DSP: variants seen among roughly 807,000 people sequenced by gnomAD.
DSP encodes the protein 250/210 kDa paraneoplastic pemphigus antigen.
A neutral mutation model predicts 290.6 loss-of-function variants in DSP; 114 were observed. That is an observed-to-expected ratio of 0.39 (90% CI 0.34 to 0.46). The LOEUF is 0.46. DSP is among the 20% of genes least tolerant of loss of function. The probability of loss-of-function intolerance (pLI) is 0.99; values close to 1 mark genes in which losing one functional copy is unlikely to be tolerated. For missense variants in DSP, 3,230 were observed against 3,495.8 expected, an observed-to-expected ratio of 0.92 and a Z score of 1.92; for synonymous variants, 1,311 against 1,316.4, an observed-to-expected ratio of 1.00 and a Z score of 0.09.
chr6:7,576,276 G>T lies in DSP; in HGVS notation c.2631-18G>T, dbSNP rs1181659158. The T allele has an allele frequency of 6.2e-7, 1 of 1,612,184 alleles. No homozygotes were observed. Among genetic ancestry groups the T allele is most frequent in the Non-Finnish European group, 8.5e-7 (1 of 1,178,420 alleles). ...GAACTAATAAGATAATGATTTTATT[G>T]TATCTATTTCCCCCCAGGTTATGGG... On this transcript the variant is annotated intron_variant, in intron 18 of 23. Transcript: ENST00000379802.
At chr6:7,561,829 G>A (rs1213693074) in intron 4 of DSP, among the ~76,000 whole-genome samples, 1 of 152,170 alleles carries the variant, frequency 6.6e-6, no homozygotes. Context: ...TTTGCCCTTG[G>A]CATGTCCAAG....
At chr6:7,571,247 C>G in intron 13 of DSP, 136 bp from the exon 14 acceptor site, 1 of 863,012 alleles carries the variant, frequency 1.2e-6, no homozygotes, top group Non-Finnish European at 2.0e-6. Flanking sequence ...CCTAAAAGAC[C>G]TTTTATATCT....
At chr6:7,544,489 TTC>T (rs747891127) in intron 1 of DSP, among the ~76,000 whole-genome samples, 9 of 136,320 alleles carry the variant, frequency 6.6e-5, no homozygotes, top group South Asian at 2.3e-4. Flanking sequence ...TTTTCTTTCT[TTC>T]TTTTTTTTTT....
In DSP at chr6:7,559,282, G is replaced by C. The variant is rs752941845; in HGVS notation, c.479G>C (p.Arg160Pro). The change falls in exon 4 of 24, where the codon CGA becomes CCA. Residue 160 changes from arginine (R) to proline (P), a missense_variant. Coordinates refer to ENST00000379802, the MANE Select transcript of DSP (RefSeq NM_004415.4). The stretch of plus-strand genomic sequence containing the variant: ...CTTTATAAAGCCATCAGTGTCCCTC[G>C]AGTCCGCAGGGCCAGCTCCAAGGGT... The part of the protein sequence containing the change: ...RALYKAISVP[R>P]VRRASSKGGG... 6.2e-7 allele frequency: 1 copy of C among 1,613,950 alleles called. No individual in the cohort carries two copies.
At position 7,580,595 on chromosome 6, in the gene DSP, C is replaced by T. The variant is rs752121953; in HGVS notation, c.4405C>T (p.Leu1469Phe). Residue 1469 changes from leucine (L) to phenylalanine (F), a missense_variant, in exon 23 of 24, where the codon CTT becomes TTT. Leu to Phe is a conservative substitution (Grantham distance 22). This residue lies in a region of DSP where 1,714 missense variants were observed against 1,844.5 expected (regional missense o/e 0.93). Transcript: ENST00000379802. The surrounding 1 kb of genome is among the most constrained non-coding windows in gnomAD (Gnocchi z 4.2). ...TEESVRYKQS[L>F]DDAAKTIQDK... ...GGAGAGCGTAAGATATAAGCAATCTCTTGATGATGCTGCCAAAACCATCCA... is the reference window on the plus strand; with the variant it reads ...GGAGAGCGTAAGATATAAGCAATCTTTTGATGATGCTGCCAAAACCATCCA... The T allele has an allele frequency of 2.4e-5, 39 of 1,613,982 alleles. No individual in the cohort carries two copies. Among genetic ancestry groups the T allele is most frequent in the Non-Finnish European group, 3.3e-5 (39 of 1,180,050 alleles).
At position 7,542,034 on chromosome 6, in the gene DSP, TGTACTA is replaced by T; in HGVS notation, c.120_125del (p.Met40_Tyr42delinsIle). 6.3e-7 allele frequency: 1 copy of T among 1,579,486 alleles called. No homozygotes were observed. The highest frequency in any genetic ancestry group is 8.6e-7 in the Non-Finnish European group (1 of 1,163,616). On this transcript the variant is annotated inframe_deletion, in exon 1 of 24. Transcript: ENST00000379802. ...AGCGGCGGCGGGGGCACCAGCAGGATGTACTATTCTCGGCGCGGCGTGATCACCGAC... is the reference window on the plus strand; with the variant it reads ...AGCGGCGGCGGGGGCACCAGCAGGATTTCTCGGCGCGGCGTGATCACCGAC...
Position 7,580,618 on chromosome 6 carries a change from C to T in DSP, c.4428C>T (p.Ile1476=), listed in dbSNP as rs754071010. The T allele has an allele frequency of 1.2e-6, 2 of 1,614,006 alleles. No homozygotes were observed. Among genetic ancestry groups the T allele is most frequent in the Admixed American group, 1.7e-5 (1 of 60,006 alleles). The change falls in exon 23 of 24, where the codon ATC becomes ATT. Residue 1476 remains isoleucine (I), a synonymous_variant. Transcript: ENST00000379802. The surrounding 1 kb of genome is among the most constrained non-coding windows in gnomAD (Gnocchi z 4.2). ...CTCTTGATGATGCTGCCAAAACCAT[C>T]CAGGATAAAAACAAGGAGATAGAAA... The part of the protein sequence containing the change: ...KQSLDDAAKT[I]QDKNKEIERL...
Position 7,577,159 on chromosome 6 carries a change from A to G in DSP, c.2877+117A>G, listed in dbSNP as rs1395602067. 3.9e-6 allele frequency: 3 copies of G among 764,218 alleles called. No homozygotes were observed. The African/African-American group carries it at 5.3e-5, about 14-fold the overall frequency. 47.3% of individuals were successfully genotyped at this position (764,218 alleles called of 1,614,324 possible). On this transcript the variant is annotated intron_variant, in intron 20 of 23. Coordinates refer to ENST00000379802, the MANE Select transcript of DSP (RefSeq NM_004415.4). ...TGAGGATAGCAATTACGGTCTGTAT[A>G]TATTCTTTTCTGAACAAACCATAAA...
At chr6:7,544,701 A>ATCTC (rs112548377) in intron 1 of DSP, among the ~76,000 whole-genome samples, 1 of 150,744 alleles carries the variant, frequency 6.6e-6, no homozygotes, top group African/African-American at 2.4e-5. Flanking sequence ...ACTTTAAAAC[A>ATCTC]TCTCTCTCTC....
chr6:7,583,748 G>C lies in DSP; in HGVS notation c.6486G>C (p.Leu2162=), dbSNP rs1759535660. ...GLIDRDLYRS[L]NDPRDSQKNF... is the part of the protein sequence containing the mutation. ...TTGATAGAGATTTGTATCGATCCCT[G>C]AATGATCCCCGAGATAGTCAGAAAA... is the stretch of plus-strand genomic sequence containing the variant. Residue 2162 remains leucine (L), a synonymous_variant, in exon 24 of 24, where the codon CTG becomes CTC. Coordinates refer to ENST00000379802, the MANE Select transcript of DSP (RefSeq NM_004415.4). The surrounding 1 kb of genome is among the most constrained non-coding windows in gnomAD (Gnocchi z 4.0). 1 of 1,614,050 alleles carries C rather than the reference G, an allele frequency of 6.2e-7. No homozygotes were observed. Among genetic ancestry groups the C allele is most frequent in the Non-Finnish European group, 8.5e-7 (1 of 1,180,030 alleles).
At position 7,584,297 on chromosome 6, in the gene DSP, A is replaced by G. The variant is rs780379988; in HGVS notation, c.7035A>G (p.Gly2345=). 9.3e-6 allele frequency: 15 copies of G among 1,614,090 alleles called. No homozygotes were observed. Among genetic ancestry groups the G allele is most frequent in the Non-Finnish European group, 1.3e-5 (15 of 1,180,050 alleles). Residue 2345 remains glycine, a synonymous_variant, in exon 24 of 24, where the codon GGA becomes GGG. Transcript: ENST00000379802. This position sits in a 1 kb window ranked among gnomAD's most constrained non-coding sequence, Gnocchi z 6.4. Reference sequence around the variant, plus strand: ...CTGGGTATAATGATCCTGAAACAGGAAACATCATCTCTTTGTTCCAAGCCA... The same window carrying G: ...CTGGGTATAATGATCCTGAAACAGGGAACATCATCTCTTTGTTCCAAGCCA... The part of the protein sequence containing the change: ...AVTGYNDPET[G]NIISLFQAMN...
chr6:7,558,116 G>C lies in DSP; in HGVS notation c.274G>C (p.Glu92Gln). The C allele has an allele frequency of 6.2e-7, 1 of 1,614,202 alleles. No homozygotes were observed. The highest frequency in any genetic ancestry group is 8.5e-7 in the Non-Finnish European group (1 of 1,180,034). Residue 92 changes from glutamate (E) to glutamine (Q), a missense_variant and splice_region_variant, in exon 3 of 24, where the codon GAA (glutamate) becomes CAA (glutamine). Coordinates refer to ENST00000379802, the MANE Select transcript of DSP (RefSeq NM_004415.4). Reference protein sequence around the residue: ...LMRAELIVQPELKYGDGIQLT... With the variant: ...LMRAELIVQPQLKYGDGIQLT... ...CCTTCATGTGAGTGTTTTCTTTCAG[G>C]AATTGAAGTATGGAGATGGAATACA...
chr6:7,562,491 C>A, intron 4 of DSP, 161 bp from the exon 5 acceptor site: 2 of 1,235,874 alleles, frequency 1.6e-6, no homozygotes, highest in Non-Finnish European at 2.3e-6. Context: ...GGCAACCCTG[C>A]ATTAGCCATT....
intron 8 of DSP, 121 bp from the exon 9 acceptor site, chr6:7,567,233 G>A: frequency 6.1e-6 from 5 of 821,908 alleles, no homozygotes; most frequent in Non-Finnish European, 1.1e-5. Context: ...AAAAATATCT[G>A]CTTGACTTAG....
At chr6:7,571,244 G>T in intron 13 of DSP, 139 bp from the exon 14 acceptor site, 1 of 826,480 alleles carries the variant, frequency 1.2e-6, no homozygotes, top group Non-Finnish European at 2.1e-6. Flanking sequence ...AAACCTAAAA[G>T]ACCTTTTATA....
chr6:7,562,494 T>C, intron 4 of DSP, 158 bp from the exon 5 acceptor site: 3 of 1,289,902 alleles, frequency 2.3e-6, no homozygotes, highest in Non-Finnish European at 3.3e-6. Flanking sequence ...AACCCTGCAT[T>C]AGCCATTTGG....
At position 7,567,767 on chromosome 6, in the gene DSP, C is replaced by T. The variant is rs1258179786; in HGVS notation, c.1141-14C>T. On this transcript the variant is annotated splice_polypyrimidine_tract_variant and intron_variant, in intron 9 of 23. Coordinates refer to ENST00000379802, the MANE Select transcript of DSP (RefSeq NM_004415.4). ...AGTTGCTGTTCATTCACTGATCACT[C>T]TCATCCTTCACAGTTTTTTGAAGAG... 1 of 1,613,752 alleles carries T rather than the reference C, an allele frequency of 6.2e-7. No individual in the cohort carries two copies. Among genetic ancestry groups the T allele is most frequent in the African/African-American group, 1.3e-5 (1 of 74,904 alleles).
chr6:7,541,835 C>A lies in DSP; in HGVS notation c.-81C>A. On this transcript the variant is annotated 5_prime_UTR_variant, in exon 1 of 24. Transcript: ENST00000379802. ...CCGGTTCCCCGGCCGTCCGCCTATC[C>A]TTGGCCCCCTCCGCTTTCTCCGCGC... The A allele has an allele frequency of 6.7e-7, 1 of 1,503,444 alleles. No homozygotes were observed. Among genetic ancestry groups the A allele is most frequent in the Non-Finnish European group, 8.9e-7 (1 of 1,122,728 alleles). The allele number at this position is 1,503,444 out of a possible 1,614,324, so 93.1% of individuals were successfully genotyped here.
Position 7,571,888 on chromosome 6 carries a change from C to A in DSP, c.1950C>A (p.Asn650Lys), listed in dbSNP as rs755158060. ...ATCATGGAACCTGCCAAGATGTCAA[C>A]CATAATAAAGTAATTGAAACCAACA... ...ITHHGTCQDV[N>K]HNKVIETNRE... Residue 650 changes from asparagine to lysine, a missense_variant, in exon 15 of 24, where the codon AAC (asparagine) becomes AAA (lysine). Asn to Lys is a moderately conservative substitution (Grantham distance 94). Coordinates refer to ENST00000379802, the MANE Select transcript of DSP (RefSeq NM_004415.4). 5.0e-6 allele frequency: 8 copies of A among 1,613,924 alleles called. No homozygotes were observed. Among genetic ancestry groups the A allele is most frequent in the Non-Finnish European group, 5.9e-6 (7 of 1,180,030 alleles).
Sources: gnomAD v4.1 joint callset for allele counts (sites outside exome capture counted in the v4.1 genomes callset) on GRCh38, gnomAD v4.1.1 for gene constraint, gnomAD v4.1.1 regional missense constraint, Gnocchi (gnomAD v3.1) non-coding constraint, MANE v1.5 for transcripts, NCBI Gene and HGNC (gene_info 2026-07-23, HGNC 2026-07-21) for gene names.